The following MAPRE2 variants were observed in gnomAD, a reference collection of about 807,000 sequenced individuals.
The protein encoded by MAPRE2 is microtubule-associated protein RP/EB family member 2.
In MAPRE2, 13 loss-of-function variants were observed where a neutral mutation model predicts 43.2. The ratio of observed to expected loss-of-function variants is 0.30; its 90% CI spans 0.20 to 0.48. The LOEUF is 0.48. MAPRE2 is among the 20% of genes least tolerant of loss of function. The pLI is 0.99. For synonymous variants in MAPRE2, 135 were observed against 148.8 expected (o/e 0.91, Z 0.68); for missense variants, 161 against 400.2 (o/e 0.40, Z 5.10).
intron 1 of MAPRE2, among the ~76,000 whole-genome samples, chr18:34,985,338 A>AATATATTATATTATATATTTT (rs2097019535): frequency 3.7e-4 from 10 of 27,006 alleles, no homozygotes; most frequent in Admixed American, 8.7e-4. Context: ...TATAATATAT[A>AATATATTATATTATATATTTT]ATATATTATA....
chr18:35,037,170 T>TA (rs1294328770), upstream of MAPRE2, among the ~76,000 whole-genome samples: 5 of 151,954 alleles, frequency 3.3e-5, no homozygotes, highest in Non-Finnish European at 5.9e-5. Context: ...GAGGCTTTTT[T>TA]TTTTTTACCA....
intron 2 of MAPRE2, among the ~76,000 whole-genome samples, chr18:35,034,787 A>C (rs1179019533): frequency 6.6e-6 from 1 of 152,270 alleles, no homozygotes; most frequent in Non-Finnish European, 1.5e-5. Flanking sequence ...GCCATCACAG[A>C]AATGCAAATC....
chr18:35,012,403 T>G (rs2097035365), intron 2 of MAPRE2, among the ~76,000 whole-genome samples: 1 of 151,856 alleles, frequency 6.6e-6, no homozygotes, highest in Non-Finnish European at 1.5e-5. Context: ...ACCTTGAAAA[T>G]CACCAATATT....
intron 2 of MAPRE2, among the ~76,000 whole-genome samples, chr18:35,078,651 G>T (rs1907487449): frequency 6.6e-6 from 1 of 152,094 alleles, no homozygotes; most frequent in Non-Finnish European, 1.5e-5. Flanking sequence ...TGCAACGAAG[G>T]GTTCACTGTG....
At chr18:34,978,299 G>C (rs2097014279) in intron 1 of MAPRE2, 1 of 618,930 alleles carries the variant, frequency 1.6e-6, no homozygotes, top group South Asian at 2.0e-5. Context: ...TGTCAATGTA[G>C]AATGAAGGGT....
At chr18:35,045,822 A>G (rs1905592178) in intron 1 of MAPRE2, among the ~76,000 whole-genome samples, 1 of 152,232 alleles carries the variant, frequency 6.6e-6, no homozygotes, top group African/African-American at 2.4e-5. Context: ...GTTTTCCAAA[A>G]ATAAAGATTT....
chr18:35,119,012 G>A (rs533496372), intron 4 of MAPRE2, among the ~76,000 whole-genome samples: 1 of 152,310 alleles, frequency 6.6e-6, no homozygotes, highest in Non-Finnish European at 1.5e-5. Flanking sequence ...TCCCTGCAGG[G>A]AACCTGGAAG....
chr18:35,011,985 A>C (rs1363840895), intron 2 of MAPRE2, among the ~76,000 whole-genome samples: 1 of 152,150 alleles, frequency 6.6e-6, no homozygotes, highest in African/African-American at 2.4e-5. Context: ...TTGATCTTTA[A>C]GGGATGGCAA....
At chr18:35,041,255 G>T, upstream of MAPRE2, 3 of 1,253,354 alleles carry the variant, frequency 2.4e-6, no homozygotes, top group South Asian at 3.3e-5. Context: ...CTGCTGGCGT[G>T]GTCACGCCGC....
At chr18:35,043,638 C>A (rs982584964) in intron 1 of MAPRE2, among the ~76,000 whole-genome samples, 1 of 152,150 alleles carries the variant, frequency 6.6e-6, no homozygotes, top group Non-Finnish European at 1.5e-5. Context: ...TAATAAAGAT[C>A]TTACTGAACA....
At chr18:35,016,304 TGA>T (rs1491378312) in intron 2 of MAPRE2, among the ~76,000 whole-genome samples, 1 of 151,902 alleles carries the variant, frequency 6.6e-6, no homozygotes, top group African/African-American at 2.4e-5. Flanking sequence ...TATTTTCCTT[TGA>T]GATATATATA....
chr18:35,095,801 A>G (rs1908390072), intron 2 of MAPRE2, among the ~76,000 whole-genome samples: 1 of 152,054 alleles, frequency 6.6e-6, no homozygotes, highest in Non-Finnish European at 1.5e-5. Flanking sequence ...GACTCAAAGA[A>G]TACCCTCCAG....
chr18:35,022,688 T>C (rs1053255183), intron 2 of MAPRE2, among the ~76,000 whole-genome samples: 1 of 152,148 alleles, frequency 6.6e-6, no homozygotes, highest in Non-Finnish European at 1.5e-5. Context: ...ATTTCAAGCT[T>C]AGAAGCAATC....
chr18:35,012,266 C>T (rs146057111), intron 2 of MAPRE2, among the ~76,000 whole-genome samples: 1 of 151,930 alleles, frequency 6.6e-6, no homozygotes, highest in South Asian at 2.1e-4. Context: ...GGATTTGAGA[C>T]CTGAACTCTG....
chr18:35,132,285 C>T (rs1050831217), intron 6 of MAPRE2, 95 bp downstream of exon 6: 1 of 1,164,072 alleles, frequency 8.6e-7, no homozygotes, highest in Non-Finnish European at 1.2e-6. Context: ...TCCCCAGGAC[C>T]TCAATGAGAA....
In MAPRE2 at chr18:35,132,190, C is replaced by A. The variant is rs376071715; in HGVS notation, c.909C>A (p.His303Gln). 2.1e-5 allele frequency: 34 copies of A among 1,613,742 alleles called. No individual in the cohort carries two copies. The South Asian group carries it at 3.5e-4, about 17-fold the overall frequency. ...LMDILYASEEHEGHTEEPEAE... is the reference protein window; with the variant it reads ...LMDILYASEEQEGHTEEPEAE... Reference sequence around the variant, plus strand: ...ACATCCTGTATGCTTCAGAAGAACACGTAAGTGTGAGGAGCATGTGACTCC... The same window carrying A: ...ACATCCTGTATGCTTCAGAAGAACAAGTAAGTGTGAGGAGCATGTGACTCC... Residue 303 changes from histidine to glutamine, a missense_variant and splice_region_variant, in exon 6 of 7, where the codon CAC becomes CAA. Physicochemically the swap from His to Gln is conservative, Grantham distance 24 (BLOSUM62 0). This residue lies in a region of MAPRE2 where 96 missense variants were observed against 153.3 expected (regional missense o/e 0.63). Coordinates refer to ENST00000300249, the MANE Select transcript of MAPRE2 (RefSeq NM_014268.4).
intron 5 of MAPRE2, among the ~76,000 whole-genome samples, chr18:35,128,670 G>A (rs575788512): frequency 6.6e-6 from 1 of 152,188 alleles, no homozygotes; most frequent in African/African-American, 2.4e-5. Flanking sequence ...CATATCTGAG[G>A]GACATCCTGG....
chr18:35,101,777 C>A (rs903481158), intron 3 of MAPRE2, among the ~76,000 whole-genome samples, 169 bp from the exon 4 acceptor site: 1 of 152,164 alleles, frequency 6.6e-6, no homozygotes, highest in African/African-American at 2.4e-5. Context: ...TTTTCTTTAT[C>A]CATTCATCTG....
intron 2 of MAPRE2, among the ~76,000 whole-genome samples, chr18:35,024,993 T>G (rs1366691519): frequency 1.3e-5 from 2 of 152,218 alleles, no homozygotes; most frequent in African/African-American, 4.8e-5. Context: ...TATTCTGAAG[T>G]CTTTTTAGTG....
Sources: allele counts gnomAD v4.1 joint callset (sites outside exome capture counted in the v4.1 genomes callset), GRCh38; gene constraint gnomAD v4.1.1; regional missense constraint gnomAD v4.1.1; transcripts MANE v1.5; gene names NCBI Gene and HGNC (gene_info 2026-07-23, HGNC 2026-07-21).